The following NDE1 variants were observed in gnomAD, a reference collection of about 807,000 sequenced individuals.
NDE1 encodes nuclear distribution protein nudE homolog 1.
NDE1 carries 28 observed loss-of-function variants against 43.4 expected under a neutral mutation model. The observed-to-expected ratio is 0.65, with a 90% CI of 0.48 to 0.89. NDE1 has a LOEUF of 0.89. Among genes scored for constraint, NDE1 ranks in the 40% least tolerant of loss-of-function variants. NDE1 has a pLI of 0.00. For synonymous variants in NDE1, 184 were observed against 172.0 expected, an observed-to-expected ratio of 1.07 and a Z score of -0.55; for missense variants, 441 against 434.1, an observed-to-expected ratio of 1.02 and a Z score of -0.14.
intron 1 of NDE1, among the ~76,000 whole-genome samples, chr16:15,651,060 C>A (rs544967859): frequency 6.6e-6 from 1 of 152,284 alleles, no homozygotes; most frequent in African/African-American, 2.4e-5. Flanking sequence ...TCTCTGAGGT[C>A]CTGGGAAACC....
At chr16:15,654,226 T>C (rs1019555261) in intron 1 of NDE1, among the ~76,000 whole-genome samples, 1 of 151,826 alleles carries the variant, frequency 6.6e-6, no homozygotes, top group Non-Finnish European at 1.5e-5. Flanking sequence ...GCATGTGGGG[T>C]GCATTTTTAA....
chr16:15,675,269 G>T (rs774250125), intron 3 of NDE1, among the ~76,000 whole-genome samples: 7 of 151,916 alleles, frequency 4.6e-5, no homozygotes, highest in Non-Finnish European at 1.0e-4. Flanking sequence ...CACGATCTGG[G>T]CTCACTGCAA....
chr16:15,718,479 C>T (rs945619473), intron 8 of NDE1: 1 of 1,537,822 alleles, frequency 6.5e-7, no homozygotes, highest in Non-Finnish European at 8.7e-7. Context: ...CTACCCTCCC[C>T]CGCCTTAAAA....
chr16:15,673,217 TTTTGA>T (rs533970964), intron 3 of NDE1, among the ~76,000 whole-genome samples: 151 of 152,076 alleles, frequency 9.9e-4, no homozygotes, highest in African/African-American at 3.6e-3. Context: ...GTGTTTTCGG[TTTTGA>T]TTTTTTTTTG....
At chr16:15,677,438 T>A (rs1287930298) in intron 3 of NDE1, among the ~76,000 whole-genome samples, 3 of 151,954 alleles carry the variant, frequency 2.0e-5, no homozygotes, top group Non-Finnish European at 4.4e-5. Context: ...ATACAAAAAT[T>A]AGCCACTATT....
rs2040646262 is a variant in NDE1, at chr16:15,724,460, CT to C, written c.*210del. On this transcript the variant is annotated 3_prime_UTR_variant, in exon 9 of 9. Transcript: ENST00000396354. ...GTGAGAGGGGGACCATGAGTGGCCC[CT>C]GTCCCTGGCCCCACAGACTCTGAGA... 6.2e-7 allele frequency: 1 copy of C among 1,610,672 alleles called. No individual in the cohort carries two copies. Among genetic ancestry groups the C allele is most frequent in the African/African-American group, 1.3e-5 (1 of 74,848 alleles).
At chr16:15,711,566 G>A (rs1329190448) in intron 8 of NDE1, among the ~76,000 whole-genome samples, 1 of 152,206 alleles carries the variant, frequency 6.6e-6, no homozygotes, top group Non-Finnish European at 1.5e-5. Flanking sequence ...ACTGTTAAAA[G>A]ATCAAGTCAT....
intron 8 of NDE1, chr16:15,712,743 G>A (rs541106620): frequency 1.3e-5 from 2 of 152,406 alleles, no homozygotes; most frequent in Admixed American, 1.3e-4. Context: ...GGAAGCAAGT[G>A]AATTAGGCCA....
chr16:15,653,051 C>T (rs1280451223), intron 1 of NDE1, among the ~76,000 whole-genome samples: 1 of 152,104 alleles, frequency 6.6e-6, no homozygotes, highest in African/African-American at 2.4e-5. Context: ...GGTACAAATC[C>T]ACAGGGCTTG....
chr16:15,717,649 G>A, intron 8 of NDE1: 1 of 485,662 alleles, frequency 2.1e-6, no homozygotes, highest in Non-Finnish European at 3.7e-6. Flanking sequence ...ACAAAAATTA[G>A]CCGGGCAGTG....
chr16:15,700,793 G>A (rs752149087), intron 8 of NDE1, among the ~76,000 whole-genome samples: 7 of 151,970 alleles, frequency 4.6e-5, no homozygotes, highest in Admixed American at 1.3e-4. Flanking sequence ...CCAAGTCTCC[G>A]TAAATGTGGG....
chr16:15,697,348 G>C (rs1831252974), intron 8 of NDE1, among the ~76,000 whole-genome samples: 1 of 152,094 alleles, frequency 6.6e-6, no homozygotes, highest in Non-Finnish European at 1.5e-5. Context: ...TGGCCAAGAA[G>C]GTCATTTTTA....
chr16:15,676,883 C>G (rs1179012935), intron 3 of NDE1, among the ~76,000 whole-genome samples: 37 of 152,122 alleles, frequency 2.4e-4, no homozygotes, highest in Non-Finnish European at 2.9e-5. Flanking sequence ...GCTGGTGACT[C>G]TCTTTGTAAT....
chr16:15,669,403 C>A (rs1002669301), intron 3 of NDE1, among the ~76,000 whole-genome samples: 1 of 142,382 alleles, frequency 7.0e-6, no homozygotes, highest in Non-Finnish European at 1.5e-5. Flanking sequence ...CACTCTGTTG[C>A]CAGGCTGGAG....
chr16:15,689,797 A>C (rs1054653887), intron 5 of NDE1, among the ~76,000 whole-genome samples: 3 of 151,834 alleles, frequency 2.0e-5, no homozygotes, highest in Admixed American at 6.6e-5. Flanking sequence ...AAAATTAGCC[A>C]GGTGTGGTGG....
intron 5 of NDE1, among the ~76,000 whole-genome samples, chr16:15,688,356 C>T (rs1353523808): frequency 6.6e-6 from 1 of 151,862 alleles, no homozygotes; most frequent in Non-Finnish European, 1.5e-5. Flanking sequence ...GGCATTTGGC[C>T]AGGCACAGTG....
chr16:15,694,281 T>C, intron 7 of NDE1, 25 bp downstream of exon 7: 1 of 1,609,822 alleles, frequency 6.2e-7, no homozygotes, highest in Non-Finnish European at 8.5e-7. Flanking sequence ...TCCTGGCGTT[T>C]GGTGCCTTCC....
At chr16:15,703,547 C>T in intron 8 of NDE1, 1 of 328,476 alleles carries the variant, frequency 3.0e-6, no homozygotes, top group Non-Finnish European at 5.7e-6. Context: ...TCTCTTACAT[C>T]ATACAAACTT....
intron 1 of NDE1, among the ~76,000 whole-genome samples, chr16:15,653,624 T>G (rs2036608467): frequency 6.6e-6 from 1 of 152,070 alleles, no homozygotes; most frequent in African/African-American, 2.4e-5. Context: ...TGCTTTGCTT[T>G]TTTCCAGAGT....
Sources: gnomAD v4.1 joint callset for allele counts (sites outside exome capture counted in the v4.1 genomes callset) on GRCh38, gnomAD v4.1.1 for gene constraint, MANE v1.5 for transcripts, NCBI Gene and HGNC (gene_info 2026-07-23, HGNC 2026-07-21) for gene names.